Variants in PCF11 observed in about 807,000 individuals in gnomAD.
PCF11 encodes the protein PCF11 cleavage and polyadenylation factor subunit.
PCF11 carries 19 observed loss-of-function variants against 166.1 expected under a neutral mutation model. The ratio of observed to expected loss-of-function variants is 0.11; its 90% CI spans 0.08 to 0.17. The LOEUF (loss-of-function observed/expected upper bound fraction) is 0.17, where lower values mean the gene tolerates loss of function less well. Among genes scored for constraint, PCF11 ranks in the 10% least tolerant of loss-of-function variants. The pLI, the probability that PCF11 is intolerant of heterozygous loss-of-function variation, is 1.00. For synonymous variants in PCF11, 663 were observed against 644.1 expected, an observed-to-expected ratio of 1.03 and a Z score of -0.44; for missense variants, 1,565 against 1,855.5, an observed-to-expected ratio of 0.84 and a Z score of 2.88.
At chr11:83,178,752 G>A (rs1016807260) in intron 11 of PCF11, among the ~76,000 whole-genome samples, 7 of 151,602 alleles carry the variant, frequency 4.6e-5, no homozygotes. Flanking sequence ...GGCGGAGCTT[G>A]CAGTGAGCCG....
chr11:83,164,193 G>A lies in PCF11; in HGVS notation c.508-14G>A, dbSNP rs542735804. On this transcript the variant is annotated splice_polypyrimidine_tract_variant and intron_variant, in intron 3 of 15. Coordinates refer to ENST00000298281, the Ensembl canonical transcript of PCF11. ...CTGATACGTTTTTCTTAAACAAATT[G>A]TCTTTTCTTATAGCCCGAGGAGCCT... 4 of 1,579,334 alleles carry A rather than the reference G, an allele frequency of 2.5e-6. No individual in the cohort carries two copies. In the South Asian group the frequency reaches 3.5e-5, roughly 14 times the overall value.
At chr11:83,184,944 T>A (rs1292912955) in exon 16 of PCF11, 1 of 1,319,370 alleles carries the variant, frequency 7.6e-7, no homozygotes, top group Middle Eastern at 1.8e-4. Context: ...TGCTGTTGGA[T>A]CTAGAAGGTG....
At chr11:83,185,602 T>C (rs1418304432) in exon 16 of PCF11, 1 of 121,000 alleles carries the variant, frequency 8.3e-6, no homozygotes, top group Non-Finnish European at 1.8e-5. Context: ...CTAAAGGTGA[T>C]TTTTTTTTTA....
At chr11:83,175,837 A>G (rs1050722551) in intron 9 of PCF11, among the ~76,000 whole-genome samples, 8 of 152,246 alleles carry the variant, frequency 5.3e-5, no homozygotes, top group Admixed American at 2.0e-4. Flanking sequence ...TTCCTCACCA[A>G]TGAGGATTCC....
chr11:83,165,856 A>G, exon 5 of PCF11: 1 of 1,607,652 alleles, frequency 6.2e-7, no homozygotes, highest in Non-Finnish European at 8.5e-7. Context: ...TTTCTAATGA[A>G]CACATTAAAC....
chr11:83,173,003 ATT>A (rs1860739436), intron 9 of PCF11, among the ~76,000 whole-genome samples: 1 of 152,206 alleles, frequency 6.6e-6, no homozygotes. Flanking sequence ...ACTAATTAAT[ATT>A]TGTTATTATT....
exon 8 of PCF11, chr11:83,168,843 C>A (rs1378257500): frequency 6.2e-7 from 1 of 1,613,506 alleles, no homozygotes; most frequent in Non-Finnish European, 8.5e-7. Flanking sequence ...GGTTTGAGGG[C>A]CCAATTGGTC....
At chr11:83,186,127 C>G (rs555400154) in exon 16 of PCF11, 3 of 152,138 alleles carry the variant, frequency 2.0e-5, no homozygotes, top group Non-Finnish European at 4.4e-5. Context: ...TTTGTTTCCT[C>G]TAATTCCATA....
chr11:83,168,477 G>A (rs1468418755), exon 8 of PCF11: 5 of 1,611,948 alleles, frequency 3.1e-6, no homozygotes, highest in Non-Finnish European at 4.2e-6. Context: ...TTCCACTTAA[G>A]CGACCTCGAT....
At chr11:83,161,895 T>G (rs1374214173) in intron 2 of PCF11, among the ~76,000 whole-genome samples, 1 of 152,170 alleles carries the variant, frequency 6.6e-6, no homozygotes, top group African/African-American at 2.4e-5. Context: ...AACTTGTGTG[T>G]TTTTTTGTTT....
At chr11:83,168,603 T>C (rs777937080) in exon 8 of PCF11, 1 of 1,613,916 alleles carries the variant, frequency 6.2e-7, no homozygotes, top group Admixed American at 1.7e-5. Flanking sequence ...ATGGACCTAG[T>C]AGGCCATCAG....
chr11:83,161,200 A>C, intron 1 of PCF11, 127 bp from the exon 2 acceptor site: 1 of 690,410 alleles, frequency 1.4e-6, no homozygotes, highest in Non-Finnish European at 2.3e-6. Context: ...AGTTTCATAA[A>C]GATTACTTCA....
intron 1 of PCF11, chr11:83,158,005 G>C (rs1860062321): frequency 5.6e-6 from 1 of 178,300 alleles, no homozygotes; most frequent in African/African-American, 2.4e-5. Context: ...AAGTGGGAGA[G>C]TGGGTCTCCC....
At chr11:83,184,925 TA>T (rs1364232348) in exon 16 of PCF11, 2 of 1,434,566 alleles carry the variant, frequency 1.4e-6, no homozygotes, top group East Asian at 2.5e-5. Flanking sequence ...TTTTCTTTTT[TA>T]AAAAAGCTGC....
Position 83,180,849 on chromosome 11 carries a change from A to G in PCF11, c.3984-159A>G, listed in dbSNP as rs144695416. On this transcript the variant is annotated intron_variant, in intron 11 of 15. Coordinates refer to ENST00000298281, the Ensembl canonical transcript of PCF11. ...AGTTAAGGTAAAGAGGGTCAATCAC[A>G]TTGTTAGAGAATAATACTGATCTTT... The G allele has an allele frequency of 9.6e-4, 433 of 451,086 alleles. 5 individuals carry two copies. The highest frequency in any genetic ancestry group is 7.7e-3 in the African/African-American group (397 of 51,454). 27.9% of individuals were successfully genotyped at this position (451,086 alleles called of 1,614,324 possible). A position where few individuals can be genotyped will look rare whatever the true frequency, so the allele number is the denominator to read the frequency against.
At chr11:83,179,642 G>C (rs191058722) in intron 11 of PCF11, among the ~76,000 whole-genome samples, 1 of 152,244 alleles carries the variant, frequency 6.6e-6, no homozygotes, top group East Asian at 1.9e-4. Context: ...AGTGGCTCAT[G>C]CCTGTAATCC....
intron 11 of PCF11, among the ~76,000 whole-genome samples, chr11:83,179,009 A>G (rs1460109401): frequency 1.3e-5 from 2 of 152,140 alleles, no homozygotes; most frequent in Non-Finnish European, 2.9e-5. Flanking sequence ...GAATAAATTC[A>G]TTAATCCTGT....
chr11:83,183,724 A>G (rs1861164583), intron 15 of PCF11, among the ~76,000 whole-genome samples: 2 of 151,780 alleles, frequency 1.3e-5, no homozygotes, highest in Non-Finnish European at 2.9e-5. Flanking sequence ...TCCTGACCTC[A>G]AGTGATCCAC....
Position 83,157,732 on chromosome 11 carries a change from C to G in PCF11, c.192+101C>G, listed in dbSNP as rs777910507. ...CTTCCATCCCAAGGGGGACAGTGTT[C>G]CTTCTCTCCAACCCCCCCACCCCCC... On this transcript the variant is annotated intron_variant, in intron 1 of 15. Coordinates refer to ENST00000298281, the Ensembl canonical transcript of PCF11. The G allele has an allele frequency of 3.6e-6, 4 of 1,104,446 alleles. No individual in the cohort carries two copies. In the Admixed American group the frequency reaches 5.5e-5, roughly 15 times the overall value. 68.4% of individuals were successfully genotyped at this position (1,104,446 alleles called of 1,614,324 possible). A position where few individuals can be genotyped will look rare whatever the true frequency, so the allele number is the denominator to read the frequency against.
Sources: allele counts gnomAD v4.1 joint callset (sites outside exome capture counted in the v4.1 genomes callset), GRCh38; gene constraint gnomAD v4.1.1; transcripts MANE v1.5; gene names NCBI Gene and HGNC (gene_info 2026-07-23, HGNC 2026-07-21).